The following DLGAP1 variants were observed in gnomAD, a reference collection of about 807,000 sequenced individuals.
DLGAP1 encodes the protein DLG associated protein 1.
Under a neutral mutation model 90.8 loss-of-function variants are expected in DLGAP1, and 11 were observed. The observed-to-expected ratio is 0.12, with a 90% confidence interval of 0.08 to 0.20. The LOEUF is 0.20. Among genes scored for constraint, DLGAP1 ranks in the 10% least tolerant of loss-of-function variants. DLGAP1 has a pLI of 1.00. For missense variants in DLGAP1, 1,050 were observed against 1,333.8 expected (o/e 0.79, Z 3.31); for synonymous variants, 558 against 540.7 (o/e 1.03, Z -0.44).
rs1049592133 is a variant in DLGAP1 at position 3,858,387 on chromosome 18, C to T, written c.957+20725G>A. On this transcript the variant is annotated intron_variant, in intron 4 of 12. Transcript: ENST00000315677. ...GTCATGTCCTTTCAACTTTGTATTC[C>T]CAGCCTTTAACAGAGCCCTTAATCT... 2.0e-5 allele frequency among the ~76,000 whole-genome samples: 3 copies of T among 151,764 alleles called. No homozygotes were observed. The East Asian group carries it at 5.8e-4, about 29-fold the overall frequency.
chr18:3,820,195 T>G (rs754920295), intron 4 of DLGAP1, among the ~76,000 whole-genome samples: 5 of 152,072 alleles, frequency 3.3e-5, no homozygotes, highest in Admixed American at 6.6e-5. Context: ...ATGCGTGAGA[T>G]TTTGGGAAAT....
At chr18:3,693,097 T>C (rs1175774352) in intron 7 of DLGAP1, among the ~76,000 whole-genome samples, 1 of 152,228 alleles carries the variant, frequency 6.6e-6, no homozygotes, top group Non-Finnish European at 1.5e-5. Context: ...AACTATATTT[T>C]CTTTTTCAGA....
chr18:4,059,851 A>C (rs1283602002), intron 2 of DLGAP1, among the ~76,000 whole-genome samples: 1 of 152,232 alleles, frequency 6.6e-6, no homozygotes, highest in Non-Finnish European at 1.5e-5. Flanking sequence ...CAAGGAGGAC[A>C]GGGCTAAGGA....
chr18:3,785,637 T>C (rs551253210), intron 5 of DLGAP1, among the ~76,000 whole-genome samples: 1 of 152,142 alleles, frequency 6.6e-6, no homozygotes, highest in Non-Finnish European at 1.5e-5. Context: ...GGATTTTGAA[T>C]GAACCTGGGA....
intron 3 of DLGAP1, among the ~76,000 whole-genome samples, chr18:3,880,702 G>C (rs976920738): frequency 2.0e-5 from 3 of 151,940 alleles, no homozygotes; most frequent in Non-Finnish European, 1.5e-5. Context: ...CAGCACTTTG[G>C]GGGGCCAAGG....
rs2144303885 is a variant in DLGAP1 at position 3,526,313 on chromosome 18, A to C, written c.2479+7881T>G. Among the ~76,000 whole-genome samples, 1 of 152,310 alleles carries C rather than the reference A, an allele frequency of 6.6e-6. No individual in the cohort carries two copies. The highest frequency in any genetic ancestry group is 6.5e-5 in the Admixed American group (1 of 15,292). On this transcript the variant is annotated intron_variant, in intron 10 of 12. Transcript: ENST00000315677. This position sits in a 1 kb window ranked among gnomAD's most constrained non-coding sequence, Gnocchi z 4.7. ...CCACTGTTTCACAGGCCGCAGAGACACAGCAGAGGCAATCCCAGGCGGATA... is the reference window on the plus strand; with the variant it reads ...CCACTGTTTCACAGGCCGCAGAGACCCAGCAGAGGCAATCCCAGGCGGATA...
intron 3 of DLGAP1, among the ~76,000 whole-genome samples, chr18:3,973,730 A>G (rs898958645): frequency 5.3e-5 from 8 of 152,326 alleles, no homozygotes; most frequent in Non-Finnish European, 1.2e-4. Flanking sequence ...TAGGCTAGAA[A>G]GTTCCGGGGA....
chr18:4,097,732 G>A (rs1336943256), intron 2 of DLGAP1, among the ~76,000 whole-genome samples: 1 of 152,184 alleles, frequency 6.6e-6, no homozygotes, highest in African/African-American at 2.4e-5. Flanking sequence ...TTCTTAACTT[G>A]CTAAAAACAA....
intron 5 of DLGAP1, among the ~76,000 whole-genome samples, chr18:3,751,657 C>T (rs1039804563): frequency 2.7e-5 from 4 of 150,340 alleles, no homozygotes; most frequent in South Asian, 2.1e-4. Flanking sequence ...CTCCCGGGTT[C>T]GAGTGATTCT....
chr18:4,149,484 G>C (rs951260909), intron 2 of DLGAP1, among the ~76,000 whole-genome samples: 3 of 152,190 alleles, frequency 2.0e-5, no homozygotes, highest in Admixed American at 1.3e-4. Flanking sequence ...ATGTCCCGGG[G>C]TTCACTTTGG....
At chr18:4,070,512 A>G (rs563071930) in intron 2 of DLGAP1, among the ~76,000 whole-genome samples, 14 of 82,222 alleles carry the variant, frequency 1.7e-4, no homozygotes, top group African/African-American at 5.3e-4. Context: ...TTATAAAAGT[A>G]TATTTTTTTT....
In DLGAP1 at chr18:3,814,148, C is replaced by G. The variant is rs3786431; in HGVS notation, c.1083G>C (p.Thr361=). The G allele has an allele frequency of 0.05, 80,609 of 1,613,844 alleles. 4,261 individuals carry two copies. The highest frequency in any genetic ancestry group is 0.25 in the African/African-American group (19,028 of 74,886). The change falls in exon 5 of 13, where the codon ACG becomes ACC. Residue 361 remains threonine (T), a synonymous_variant. Transcript: ENST00000315677. ...MGDEDSGDSD[T]SPKPSPKVAA... ...CAACTTTTGGAGAAGGCTTAGGACT[C>G]GTGTCTGAGTCTCCACTGTCTTCAT...
intron 3 of DLGAP1, among the ~76,000 whole-genome samples, chr18:3,980,257 C>T (rs1033263108): frequency 6.6e-5 from 10 of 152,126 alleles, no homozygotes; most frequent in Non-Finnish European, 1.5e-4. Context: ...TCAGGCATCG[C>T]GGCCTATCTG....
intron 9 of DLGAP1, among the ~76,000 whole-genome samples, chr18:3,544,795 G>A (rs1443997165): frequency 1.3e-5 from 2 of 151,684 alleles, no homozygotes; most frequent in Admixed American, 1.3e-4. Flanking sequence ...CTGGAATGCA[G>A]TGGCTCCATC....
At chr18:4,076,301 T>C (rs2075522227) in intron 2 of DLGAP1, among the ~76,000 whole-genome samples, 1 of 152,166 alleles carries the variant, frequency 6.6e-6, no homozygotes, top group African/African-American at 2.4e-5. Context: ...TAAACACAGG[T>C]AGAATAAAAG....
chr18:3,658,606 C>T (rs539209054), intron 7 of DLGAP1, among the ~76,000 whole-genome samples: 99 of 152,320 alleles, frequency 6.5e-4, no homozygotes, highest in African/African-American at 2.3e-3. Flanking sequence ...AGATAACAGT[C>T]ATTGACAATC....
At chr18:3,549,164 C>T (rs950816826) in intron 9 of DLGAP1, among the ~76,000 whole-genome samples, 4 of 152,172 alleles carry the variant, frequency 2.6e-5, no homozygotes, top group Admixed American at 6.6e-5. Flanking sequence ...AATAGAAATG[C>T]CTGGCCCAAT....
chr18:4,368,383 T>G (rs564302656), intron 1 of DLGAP1, among the ~76,000 whole-genome samples: 106 of 152,226 alleles, frequency 7.0e-4, no homozygotes, highest in Non-Finnish European at 1.3e-3. Context: ...GATCAAAGTT[T>G]AAATCAGTAG....
chr18:4,281,214 A>G (rs1024046289), intron 1 of DLGAP1, among the ~76,000 whole-genome samples: 2 of 152,194 alleles, frequency 1.3e-5, no homozygotes, highest in Admixed American at 1.3e-4. Flanking sequence ...GAGAAATGTT[A>G]CAGCCTAAAG....
Sources: gnomAD v4.1 joint callset for allele counts (sites outside exome capture counted in the v4.1 genomes callset) on GRCh38, gnomAD v4.1.1 for gene constraint, Gnocchi (gnomAD v3.1) non-coding constraint, MANE v1.5 for transcripts, NCBI Gene and HGNC (gene_info 2026-07-23, HGNC 2026-07-21) for gene names.